Variants in DRC11 observed in about 807,000 individuals in gnomAD.
DRC11 encodes dynein regulatory complex subunit 11.
the DRC11 span, among the ~76,000 whole-genome samples, chr2:236,459,813 T>C: frequency 1.3e-5 from 2 of 151,772 alleles, no homozygotes; most frequent in Non-Finnish European, 2.9e-5. Context: ...AGCTCTATCT[T>C]GCGAATGTTC....
chr2:236,367,196 A>G, the DRC11 span, among the ~76,000 whole-genome samples: 1 of 149,616 alleles, frequency 6.7e-6, no homozygotes, highest in Non-Finnish European at 1.5e-5. The surrounding 1 kb of genome is among the most constrained non-coding windows in gnomAD (Gnocchi z 4.8). Context: ...ATTTCCATTG[A>G]CACTTATACA....
chr2:236,342,101 A>C, the DRC11 span, among the ~76,000 whole-genome samples: 2 of 152,168 alleles, frequency 1.3e-5, no homozygotes, highest in Non-Finnish European at 2.9e-5. The surrounding 1 kb of genome is among the most constrained non-coding windows in gnomAD (Gnocchi z 5.8). Context: ...GCCTCACCCA[A>C]AGGCAGAGGG....
the DRC11 span, among the ~76,000 whole-genome samples, chr2:236,357,520 T>G: frequency 2.4e-5 from 3 of 125,270 alleles, no homozygotes; most frequent in East Asian, 4.7e-4. Context: ...ATAAATATAT[T>G]TATATATTAT....
the DRC11 span, among the ~76,000 whole-genome samples, chr2:236,453,399 T>C: frequency 1.3e-5 from 2 of 152,196 alleles, no homozygotes; most frequent in African/African-American, 2.4e-5. This position sits in a 1 kb window ranked among gnomAD's most constrained non-coding sequence, Gnocchi z 4.9. Context: ...AAAGGCCTGA[T>C]TGTTTCTGCT....
At chr2:236,504,842 A>G in the DRC11 span, among the ~76,000 whole-genome samples, 1 of 152,202 alleles carries the variant, frequency 6.6e-6, no homozygotes, top group Non-Finnish European at 1.5e-5. The surrounding 1 kb of genome is among the most constrained non-coding windows in gnomAD (Gnocchi z 5.0). Context: ...TGCTGCCGCC[A>G]TGTGAAGAAG....
At chr2:236,422,034 T>C in the DRC11 span, among the ~76,000 whole-genome samples, 1 of 152,148 alleles carries the variant, frequency 6.6e-6, no homozygotes, top group African/African-American at 2.4e-5. Context: ...TCTCAATAAA[T>C]TAGGTATCGA....
At chr2:236,501,512 T>C in the DRC11 span, among the ~76,000 whole-genome samples, 2 of 151,972 alleles carry the variant, frequency 1.3e-5, no homozygotes, top group Non-Finnish European at 2.9e-5. Flanking sequence ...CCACCTCAAA[T>C]AGACAAGCAG....
At chr2:236,342,131 CA>C in the DRC11 span, among the ~76,000 whole-genome samples, 1 of 152,168 alleles carries the variant, frequency 6.6e-6, no homozygotes, top group Non-Finnish European at 1.5e-5. This position sits in a 1 kb window ranked among gnomAD's most constrained non-coding sequence, Gnocchi z 5.8. Flanking sequence ...TGCATTCAGT[CA>C]CTGGATTTTC....
At chr2:236,308,531 C>T in the DRC11 span, among the ~76,000 whole-genome samples, 6 of 152,202 alleles carry the variant, frequency 3.9e-5, no homozygotes, top group South Asian at 2.1e-4. The surrounding 1 kb of genome is among the most constrained non-coding windows in gnomAD (Gnocchi z 6.0). Flanking sequence ...TGGCAGCTCA[C>T]GCTAGCGCTG....
chr2:236,419,336 C>A, the DRC11 span: 1 of 1,491,370 alleles, frequency 6.7e-7, no homozygotes, highest in Non-Finnish European at 8.9e-7. This position sits in a 1 kb window ranked among gnomAD's most constrained non-coding sequence, Gnocchi z 4.8. Context: ...ACTGTTTTCC[C>A]TGTCTGAAAG....
chr2:236,493,144 C>CA, the DRC11 span, among the ~76,000 whole-genome samples: 1 of 152,078 alleles, frequency 6.6e-6, no homozygotes, highest in Non-Finnish European at 1.5e-5. Flanking sequence ...TGGCGGCAGA[C>CA]AAGACAGTTT....
chr2:236,462,654 C>T, the DRC11 span, among the ~76,000 whole-genome samples: 1 of 152,034 alleles, frequency 6.6e-6, no homozygotes, highest in African/African-American at 2.4e-5. This position sits in a 1 kb window ranked among gnomAD's most constrained non-coding sequence, Gnocchi z 6.4. Context: ...CTGGGTGACA[C>T]AGCGAGACCC....
At chr2:236,487,701 G>A in the DRC11 span, among the ~76,000 whole-genome samples, 1 of 152,102 alleles carries the variant, frequency 6.6e-6, no homozygotes, top group Non-Finnish European at 1.5e-5. Context: ...AATCCATTAA[G>A]GATTTATATC....
chr2:236,358,836 C>T, the DRC11 span, among the ~76,000 whole-genome samples: 33 of 147,588 alleles, frequency 2.2e-4, no homozygotes, highest in South Asian at 8.5e-4. Context: ...GCCCCAAGAC[C>T]GTCACGTGGC....
At chr2:236,311,932 T>C in the DRC11 span, among the ~76,000 whole-genome samples, 1 of 152,108 alleles carries the variant, frequency 6.6e-6, no homozygotes, top group Admixed American at 6.5e-5. This position sits in a 1 kb window ranked among gnomAD's most constrained non-coding sequence, Gnocchi z 6.9. Flanking sequence ...TCTCCTCTAG[T>C]GTTTTCATTC....
the DRC11 span, among the ~76,000 whole-genome samples, chr2:236,390,851 G>T: frequency 6.6e-6 from 1 of 152,196 alleles, no homozygotes; most frequent in East Asian, 1.9e-4. This position sits in a 1 kb window ranked among gnomAD's most constrained non-coding sequence, Gnocchi z 5.9. Context: ...ATGGTACTGG[G>T]TTTCACTGGC....
At chr2:236,462,984 A>G in the DRC11 span, among the ~76,000 whole-genome samples, 1 of 152,122 alleles carries the variant, frequency 6.6e-6, no homozygotes, top group African/African-American at 2.4e-5. This position sits in a 1 kb window ranked among gnomAD's most constrained non-coding sequence, Gnocchi z 6.4. Context: ...ACTGTGAGCC[A>G]TTTTTGGTGA....
chr2:236,419,215 C>A, the DRC11 span: 4 of 1,534,636 alleles, frequency 2.6e-6, no homozygotes, highest in Non-Finnish European at 3.5e-6. This position sits in a 1 kb window ranked among gnomAD's most constrained non-coding sequence, Gnocchi z 4.8. Context: ...CCTTTTTCTT[C>A]TTCTTCTTTT....
At chr2:236,408,893 C>A in the DRC11 span, 4 of 658,560 alleles carry the variant, frequency 6.1e-6, no homozygotes, top group Admixed American at 2.2e-5. This position sits in a 1 kb window ranked among gnomAD's most constrained non-coding sequence, Gnocchi z 5.5. Flanking sequence ...TGGATCCTAG[C>A]CTGTTGACTT....
Sources: gnomAD v4.1 joint callset for allele counts (sites outside exome capture counted in the v4.1 genomes callset) on GRCh38, gnomAD v4.1.1 for gene constraint, Gnocchi (gnomAD v3.1) non-coding constraint, MANE v1.5 for transcripts, NCBI Gene and HGNC (gene_info 2026-07-23, HGNC 2026-07-21) for gene names.